FCHSD2: variants seen among roughly 807,000 people sequenced by gnomAD.
FCHSD2 encodes F-BAR and double SH3 domains protein 2.
In FCHSD2, 38 loss-of-function variants were observed where a neutral mutation model predicts 108.1. That is an observed-to-expected ratio of 0.35 (90% CI 0.27 to 0.46). The LOEUF (loss-of-function observed/expected upper bound fraction) is 0.46, where lower values mean the gene tolerates loss of function less well. Ranked by LOEUF, FCHSD2 falls within the 20% of genes least tolerant of loss-of-function variation. The pLI is 1.00. For synonymous variants in FCHSD2, 279 were observed against 314.7 expected (o/e 0.89, Z 1.20); for missense variants, 751 against 897.8 (o/e 0.84, Z 2.09).
intron 2 of FCHSD2, among the ~76,000 whole-genome samples, chr11:73,084,590 G>A (rs1859771535): frequency 6.6e-6 from 1 of 152,094 alleles, no homozygotes; most frequent in Non-Finnish European, 1.5e-5. Context: ...ATGGAGTCTT[G>A]ATATGTTTCC....
intron 2 of FCHSD2, among the ~76,000 whole-genome samples, chr11:73,106,097 G>A (rs1376043581): frequency 2.0e-5 from 3 of 152,080 alleles, no homozygotes; most frequent in Non-Finnish European, 4.4e-5. Flanking sequence ...AAGTAACTGA[G>A]GCCAAAAGTA....
chr11:73,011,581 C>T (rs1397741092), intron 4 of FCHSD2, among the ~76,000 whole-genome samples: 1 of 152,154 alleles, frequency 6.6e-6, no homozygotes, highest in African/African-American at 2.4e-5. Context: ...TAGTGCCTTG[C>T]TGCAGTTGCT....
intron 5 of FCHSD2, 50 bp downstream of exon 5, chr11:73,000,940 G>A (rs1857613577): frequency 6.8e-7 from 1 of 1,476,976 alleles, no homozygotes. Context: ...GATTATAAAT[G>A]TAGCACTGGG....
rs1394372331 is a variant in FCHSD2, at chr11:73,127,924, C to T, written c.119+12107G>A. On this transcript the variant is annotated intron_variant, in intron 2 of 19. Transcript: ENST00000409418. ...CAGCCTGGCCAACATAGTGAAGCACCGTCTCTACTAAAAATACAAAAAATT... is the reference window on the plus strand; with the variant it reads ...CAGCCTGGCCAACATAGTGAAGCACTGTCTCTACTAAAAATACAAAAAATT... 3.3e-5 allele frequency among the ~76,000 whole-genome samples: 5 copies of T among 150,710 alleles called. No individual in the cohort carries two copies. In the South Asian group the frequency reaches 6.3e-4, roughly 19 times the overall value.
chr11:73,120,424 C>G (rs992586038), intron 2 of FCHSD2, among the ~76,000 whole-genome samples: 3 of 151,994 alleles, frequency 2.0e-5, no homozygotes, highest in Admixed American at 2.0e-4. Flanking sequence ...AAGTGTATAC[C>G]AGGCTCAGAA....
At chr11:73,017,386 G>A (rs538103092) in intron 3 of FCHSD2, among the ~76,000 whole-genome samples, 6 of 152,234 alleles carry the variant, frequency 3.9e-5, no homozygotes, top group South Asian at 4.1e-4. Context: ...TTCTATACAC[G>A]TAACTAAAAA....
intron 3 of FCHSD2, among the ~76,000 whole-genome samples, chr11:73,047,071 T>C (rs550150395): frequency 1.5e-4 from 23 of 152,080 alleles, no homozygotes; most frequent in African/African-American, 5.5e-4. Flanking sequence ...AAAGACAAGA[T>C]GCAGAATAAA....
intron 4 of FCHSD2, among the ~76,000 whole-genome samples, chr11:73,006,251 C>G (rs1421400534): frequency 6.6e-6 from 1 of 152,072 alleles, no homozygotes; most frequent in Non-Finnish European, 1.5e-5. Flanking sequence ...TTCCCTAAAC[C>G]CTAACTGCCT....
At chr11:73,104,365 C>T (rs1232618356) in intron 2 of FCHSD2, among the ~76,000 whole-genome samples, 1 of 152,134 alleles carries the variant, frequency 6.6e-6, no homozygotes, top group Non-Finnish European at 1.5e-5. Context: ...CTCCCAGGTT[C>T]AAGCACTTCT....
At chr11:73,104,704 G>A (rs752569871) in intron 2 of FCHSD2, among the ~76,000 whole-genome samples, 6 of 152,002 alleles carry the variant, frequency 3.9e-5, no homozygotes, top group Non-Finnish European at 8.8e-5. Flanking sequence ...AAGTAGCTGG[G>A]ACCACAGGCA....
At chr11:72,901,871 T>TG (rs1855533527) in intron 10 of FCHSD2, among the ~76,000 whole-genome samples, 1 of 152,146 alleles carries the variant, frequency 6.6e-6, no homozygotes, top group African/African-American at 2.4e-5. Flanking sequence ...TCTGGTTTTT[T>TG]TTTTGTTTGT....
intron 8 of FCHSD2, among the ~76,000 whole-genome samples, chr11:72,945,489 G>A (rs1344550089): frequency 1.3e-5 from 2 of 152,198 alleles, no homozygotes; most frequent in Non-Finnish European, 2.9e-5. Flanking sequence ...ATAGGCATGG[G>A]CAAGGACTTC....
intron 8 of FCHSD2, among the ~76,000 whole-genome samples, chr11:72,969,661 G>A (rs1206994990): frequency 2.0e-5 from 3 of 152,056 alleles, no homozygotes; most frequent in Non-Finnish European, 2.9e-5. Flanking sequence ...AATGAAATAC[G>A]GTATGTTTTG....
At chr11:72,941,294 TAATG>T (rs1309412281) in intron 8 of FCHSD2, among the ~76,000 whole-genome samples, 1 of 152,126 alleles carries the variant, frequency 6.6e-6, no homozygotes, top group Non-Finnish European at 1.5e-5. Context: ...AATTATGAAT[TAATG>T]AATGGCCTCA....
At chr11:73,042,177 T>A (rs1458903461) in intron 3 of FCHSD2, among the ~76,000 whole-genome samples, 1 of 152,200 alleles carries the variant, frequency 6.6e-6, no homozygotes. Flanking sequence ...TCCACCCACC[T>A]CAGCCTCCCA....
At chr11:72,901,327 A>AG (rs1855521900) in intron 10 of FCHSD2, among the ~76,000 whole-genome samples, 1 of 151,806 alleles carries the variant, frequency 6.6e-6, no homozygotes, top group Non-Finnish European at 1.5e-5. Context: ...AGCCCAGGAG[A>AG]GGGGGGCTGT....
At chr11:72,959,218 G>GTTTTTTTT (rs1565342294) in intron 8 of FCHSD2, among the ~76,000 whole-genome samples, 1 of 61,588 alleles carries the variant, frequency 1.6e-5, no homozygotes, top group African/African-American at 6.2e-5. Context: ...ATATCCAGCA[G>GTTTTTTTT]TCTTTTTTTT....
At chr11:73,100,883 T>G (rs1311185018) in intron 2 of FCHSD2, among the ~76,000 whole-genome samples, 3 of 151,496 alleles carry the variant, frequency 2.0e-5, no homozygotes, top group Non-Finnish European at 2.9e-5. Flanking sequence ...TTTTCCTTAA[T>G]GCTGTTTAGA....
rs532594097 is a variant in FCHSD2, at chr11:72,889,252, C to T, written c.1041+577G>A. On this transcript the variant is annotated intron_variant, in intron 11 of 19. Coordinates refer to ENST00000409418, the MANE Select transcript of FCHSD2 (RefSeq NM_014824.3). ...CTGGGATTACAGGCGTGAGCCACCG[C>T]GCCCGGCTATAATTATGTCTTTTAA... Among the ~76,000 whole-genome samples the T allele has an allele frequency of 5.9e-5, 9 of 152,298 alleles. 1 individual carries two copies. Among genetic ancestry groups the T allele is most frequent in the African/African-American group, 1.9e-4 (8 of 41,558 alleles).
Sources: gnomAD v4.1 joint callset for allele counts (sites outside exome capture counted in the v4.1 genomes callset) on GRCh38, gnomAD v4.1.1 for gene constraint, MANE v1.5 for transcripts, NCBI Gene and HGNC (gene_info 2026-07-23, HGNC 2026-07-21) for gene names.